FHIT: variants seen among roughly 807,000 people sequenced by gnomAD.
The protein encoded by FHIT is fragile histidine triad diadenosine triphosphatase.
FHIT carries 19 observed loss-of-function variants against 17.9 expected under a neutral mutation model. The ratio of observed to expected loss-of-function variants is 1.06; its 90% CI spans 0.74 to 1.56. The LOEUF (loss-of-function observed/expected upper bound fraction) is 1.56. FHIT is among the 40% of genes most tolerant of loss of function. The probability of loss-of-function intolerance (pLI) is 0.00; values close to 1 mark genes in which losing one functional copy is unlikely to be tolerated. For synonymous variants in FHIT, 81 were observed against 69.7 expected, an observed-to-expected ratio of 1.16 and a Z score of -0.81; for missense variants, 248 against 189.2, an observed-to-expected ratio of 1.31 and a Z score of -1.82.
chr3:60,174,260 C>A (rs1701568322), intron 5 of FHIT, among the ~76,000 whole-genome samples: 1 of 151,774 alleles, frequency 6.6e-6, no homozygotes, highest in African/African-American at 2.4e-5. Flanking sequence ...AAAAAAAAAT[C>A]TTATGGCTAC....
chr3:60,072,923 A>G (rs536279893), intron 5 of FHIT, among the ~76,000 whole-genome samples: 4 of 152,248 alleles, frequency 2.6e-5, no homozygotes, highest in Non-Finnish European at 5.9e-5. Context: ...CCCACACCCA[A>G]CTTATCCTGT....
In FHIT at chr3:60,202,932, A is replaced by G. The variant is rs1334552780; in HGVS notation, c.104-188780T>C. Among the ~76,000 whole-genome samples, 3 of 152,106 alleles carry G rather than the reference A, an allele frequency of 2.0e-5. No homozygotes were observed. In the East Asian group the frequency reaches 5.8e-4, roughly 29 times the overall value. On this transcript the variant is annotated intron_variant, in intron 5 of 9. Transcript: ENST00000492590. ...CTACTTTGTCTATGACCTCAGCTTT[A>G]TCTACTTTTATTTATGAGTGTGGAG... is the stretch of plus-strand genomic sequence containing the variant.
At chr3:60,844,594 A>G (rs1489406733) in intron 3 of FHIT, among the ~76,000 whole-genome samples, 3 of 152,104 alleles carry the variant, frequency 2.0e-5, no homozygotes, top group Non-Finnish European at 4.4e-5. Flanking sequence ...ATATAAATCA[A>G]TTCTTTCTTA....
At chr3:60,477,030 A>G (rs546573383) in intron 5 of FHIT, among the ~76,000 whole-genome samples, 3 of 152,148 alleles carry the variant, frequency 2.0e-5, no homozygotes, top group Non-Finnish European at 4.4e-5. Flanking sequence ...TTTCGTTTAC[A>G]TGCATATGCT....
At chr3:60,275,609 G>A (rs1294436994) in intron 5 of FHIT, among the ~76,000 whole-genome samples, 1 of 152,064 alleles carries the variant, frequency 6.6e-6, no homozygotes, top group Non-Finnish European at 1.5e-5. Context: ...GTTCACAGAT[G>A]TTGTCTTAGT....
intron 3 of FHIT, among the ~76,000 whole-genome samples, chr3:60,860,352 T>C (rs1553751307): frequency 6.9e-6 from 1 of 143,920 alleles, no homozygotes; most frequent in Non-Finnish European, 1.5e-5. Flanking sequence ...ACATCATATG[T>C]ATACATGACA....
intron 5 of FHIT, among the ~76,000 whole-genome samples, chr3:60,017,602 A>C (rs1335874409): frequency 6.6e-6 from 1 of 152,234 alleles, no homozygotes; most frequent in East Asian, 1.9e-4. Flanking sequence ...CATGATTCAT[A>C]TCACAAGAGA....
chr3:59,831,605 A>C, intron 8 of FHIT, among the ~76,000 whole-genome samples: 1 of 152,082 alleles, frequency 6.6e-6, no homozygotes, highest in Admixed American at 6.6e-5. Flanking sequence ...ATGCGATAAG[A>C]CTGTCTGTCC....
chr3:60,765,030 G>C (rs1426970840), intron 4 of FHIT, among the ~76,000 whole-genome samples: 5 of 152,092 alleles, frequency 3.3e-5, no homozygotes, highest in Non-Finnish European at 7.4e-5. Flanking sequence ...TCTCTCAGTT[G>C]GTTAGATGAA....
intron 4 of FHIT, among the ~76,000 whole-genome samples, chr3:60,724,476 A>G (rs1186843894): frequency 6.6e-6 from 1 of 152,134 alleles, no homozygotes; most frequent in Non-Finnish European, 1.5e-5. Flanking sequence ...ATATGATTTC[A>G]TTCCCCTTGA....
At chr3:60,878,733 C>T (rs566190094) in intron 3 of FHIT, among the ~76,000 whole-genome samples, 66 of 151,942 alleles carry the variant, frequency 4.3e-4, no homozygotes, top group Middle Eastern at 6.8e-3. Context: ...AGTGAGAACA[C>T]GCGGTGTTTG....
chr3:60,342,162 G>A (rs773285251), intron 5 of FHIT, among the ~76,000 whole-genome samples: 4 of 152,208 alleles, frequency 2.6e-5, no homozygotes, highest in Non-Finnish European at 4.4e-5. Context: ...AATAATGTGA[G>A]GGTGGGTCAG....
chr3:60,607,027 C>A (rs2038630358), intron 4 of FHIT, among the ~76,000 whole-genome samples: 1 of 152,058 alleles, frequency 6.6e-6, no homozygotes, highest in African/African-American at 2.4e-5. Context: ...TGCTGGACCT[C>A]TATATTTGTT....
At chr3:60,235,005 G>A (rs1003443940) in intron 5 of FHIT, among the ~76,000 whole-genome samples, 3 of 152,056 alleles carry the variant, frequency 2.0e-5, no homozygotes, top group Admixed American at 2.0e-4. Context: ...GGTGACCCAA[G>A]TGCATCAGGA....
At chr3:59,914,994 C>T (rs1452019605) in intron 8 of FHIT, among the ~76,000 whole-genome samples, 1 of 152,100 alleles carries the variant, frequency 6.6e-6, no homozygotes, top group Non-Finnish European at 1.5e-5. Flanking sequence ...GAATGTAAAC[C>T]TAAGATTTTT....
chr3:60,051,450 G>A (rs900226312), intron 5 of FHIT, among the ~76,000 whole-genome samples: 4 of 151,380 alleles, frequency 2.6e-5, no homozygotes, highest in African/African-American at 9.7e-5. Context: ...GGATTTGACT[G>A]AGGAGGCAGG....
chr3:60,128,806 A>T (rs895616350), intron 5 of FHIT, among the ~76,000 whole-genome samples: 1 of 152,198 alleles, frequency 6.6e-6, no homozygotes, highest in Non-Finnish European at 1.5e-5. Flanking sequence ...AGGTGAACAG[A>T]TAAGGCTGTG....
At chr3:60,314,381 A>G (rs2106774859) in intron 5 of FHIT, among the ~76,000 whole-genome samples, 1 of 152,304 alleles carries the variant, frequency 6.6e-6, no homozygotes, top group African/African-American at 2.4e-5. Flanking sequence ...TAGGCCGTGA[A>G]TGATTAAATA....
intron 5 of FHIT, among the ~76,000 whole-genome samples, chr3:60,336,426 T>C (rs552996295): frequency 7.9e-5 from 12 of 152,314 alleles, no homozygotes; most frequent in African/African-American, 2.9e-4. Context: ...AGTCAGCTGT[T>C]AAAGAATGGC....
Sources: allele counts gnomAD v4.1 joint callset (sites outside exome capture counted in the v4.1 genomes callset), GRCh38; gene constraint gnomAD v4.1.1; transcripts MANE v1.5; gene names NCBI Gene and HGNC (gene_info 2026-07-23, HGNC 2026-07-21).